Variants in NTM observed in about 807,000 individuals in gnomAD.
NTM encodes the protein neurotrimin, also known as IgLON family member 2.
A neutral mutation model predicts 42.1 loss-of-function variants in NTM; 13 were observed. The observed-to-expected ratio is 0.31, with a 90% CI of 0.20 to 0.49. NTM has a LOEUF of 0.49. NTM is among the 20% of genes least tolerant of loss of function. NTM has a pLI of 0.99. For synonymous variants in NTM, 187 were observed against 179.2 expected (o/e 1.04, Z -0.35); for missense variants, 373 against 452.8 (o/e 0.82, Z 1.60).
intron 1 of NTM, among the ~76,000 whole-genome samples, chr11:131,469,192 C>T (rs1031510075): frequency 3.3e-5 from 5 of 152,208 alleles, no homozygotes; most frequent in Non-Finnish European, 7.3e-5. Flanking sequence ...CACTGTGAGG[C>T]CACCTCTGCT....
Position 132,173,715 on chromosome 11 carries a change from G to A in NTM, c.400+27201G>A, listed in dbSNP as rs183564787. ...TCATTCCATGTTCCAAGTGAAGAGA[G>A]TGAGGCTCACAGATTGTGACTTGTG... is the stretch of plus-strand genomic sequence containing the variant. On this transcript the variant is annotated intron_variant, in intron 3 of 8. Transcript: ENST00000683400. Among the ~76,000 whole-genome samples the A allele has an allele frequency of 1.6e-4, 24 of 152,318 alleles. No individual in the cohort carries two copies. The East Asian group carries it at 4.4e-3, about 28-fold the overall frequency.
intron 1 of NTM, among the ~76,000 whole-genome samples, chr11:131,591,479 C>A (rs913496441): frequency 6.6e-6 from 1 of 152,202 alleles, no homozygotes; most frequent in Non-Finnish European, 1.5e-5. Context: ...TAGGACCCAG[C>A]CTGCTGAGAT....
chr11:132,014,980 G>T (rs976552110), intron 2 of NTM, among the ~76,000 whole-genome samples: 22 of 151,622 alleles, frequency 1.5e-4, no homozygotes, highest in Non-Finnish European at 2.9e-4. Context: ...CCACTGTCCT[G>T]GAGTGTTTCC....
chr11:131,851,791 CA>C (rs1290366876), intron 1 of NTM, among the ~76,000 whole-genome samples: 1 of 151,876 alleles, frequency 6.6e-6, no homozygotes, highest in Non-Finnish European at 1.5e-5. Flanking sequence ...AATGATGGAC[CA>C]AAGCATGGCC....
chr11:131,636,635 G>A (rs2048056), intron 1 of NTM, among the ~76,000 whole-genome samples: 112,161 of 152,104 alleles, frequency 0.74, 43,605 homozygotes, highest in East Asian at 0.92. Context: ...CAGCGGCTGC[G>A]CTGTTTGTGC....
chr11:132,183,478 T>A (rs2138091602), intron 3 of NTM, among the ~76,000 whole-genome samples: 1 of 152,110 alleles, frequency 6.6e-6, no homozygotes, highest in African/African-American at 2.4e-5. Context: ...CACCATAAAC[T>A]CTAAATTAGC....
chr11:131,618,250 G>A (rs939763582), intron 1 of NTM, among the ~76,000 whole-genome samples: 5 of 152,174 alleles, frequency 3.3e-5, no homozygotes, highest in Admixed American at 3.3e-4. Flanking sequence ...CCCCAAGCAG[G>A]TCTGCGCCTA....
At chr11:132,069,520 G>A (rs142451287) in intron 2 of NTM, among the ~76,000 whole-genome samples, 3,355 of 55,372 alleles carry the variant, frequency 0.061, 35 homozygotes, top group Middle Eastern at 0.13. Flanking sequence ...CACACTGACC[G>A]TCACAGGTTA....
chr11:131,534,783 G>A (rs412486), intron 1 of NTM: 99,063 of 151,912 alleles, frequency 0.65, 36,789 homozygotes, highest in Non-Finnish European at 0.83. Flanking sequence ...TCTTCAGGAA[G>A]GGGGATGTGC....
chr11:131,795,036 C>T, intron 1 of NTM: 1 of 969,006 alleles, frequency 1.0e-6, no homozygotes, highest in Non-Finnish European at 1.2e-6. Context: ...ACCCTGTAGC[C>T]AAAGGGGGGG....
intron 1 of NTM, chr11:131,794,942 C>G (rs1331414437): frequency 1.0e-6 from 1 of 985,180 alleles, no homozygotes; most frequent in Non-Finnish European, 1.2e-6. Flanking sequence ...TTAGGGGAAC[C>G]TGAACCCGCA....
intron 1 of NTM, among the ~76,000 whole-genome samples, chr11:131,513,682 T>G (rs2062431863): frequency 6.6e-6 from 1 of 152,202 alleles, no homozygotes; most frequent in South Asian, 2.1e-4. Flanking sequence ...GATTATCTTT[T>G]AGCAGTGTGA....
intron 1 of NTM, among the ~76,000 whole-genome samples, chr11:131,716,868 T>C (rs2135360313): frequency 6.6e-6 from 1 of 152,148 alleles, no homozygotes; most frequent in Middle Eastern, 3.4e-3. Flanking sequence ...TGAAATGGAG[T>C]CTCATTATGT....
intron 1 of NTM, among the ~76,000 whole-genome samples, chr11:131,672,590 T>C (rs1259122278): frequency 6.6e-6 from 1 of 152,194 alleles, no homozygotes; most frequent in Admixed American, 6.5e-5. Context: ...GTCTTGTTCA[T>C]GGTGCTGTAG....
intron 1 of NTM, among the ~76,000 whole-genome samples, chr11:131,512,413 G>A (rs139958487): frequency 2.0e-5 from 3 of 152,292 alleles, no homozygotes; most frequent in African/African-American, 4.8e-5. Context: ...CCAGGCAGGG[G>A]CTGTCCTCAA....
In NTM at chr11:132,101,944, C is replaced by G. The variant is rs149640807; in HGVS notation, c.168-44338C>G. ...TCATGGCACAAAAAGCTTTCTGTAACCTGATCTCTCCTCCCTACTTCTCAG... is the reference window on the plus strand; with the variant it reads ...TCATGGCACAAAAAGCTTTCTGTAAGCTGATCTCTCCTCCCTACTTCTCAG... On this transcript the variant is annotated intron_variant, in intron 2 of 8. Transcript: ENST00000683400. Among the ~76,000 whole-genome samples the G allele has an allele frequency of 3.5e-4, 53 of 152,306 alleles. No homozygotes were observed. The East Asian group carries it at 9.7e-3, about 28-fold the overall frequency.
chr11:131,849,730 ATGGGTTAGCTAATGTTC>A, intron 1 of NTM, among the ~76,000 whole-genome samples: 1 of 148,606 alleles, frequency 6.7e-6, no homozygotes. Flanking sequence ...AGAGCCCTTT[ATGGGTTAGCTAATGTTC>A]ATCTCTGGTT....
At chr11:132,253,293 T>G (rs548357958) in intron 4 of NTM, among the ~76,000 whole-genome samples, 40 of 152,304 alleles carry the variant, frequency 2.6e-4, no homozygotes, top group African/African-American at 9.6e-4. Flanking sequence ...ACAGGAGAGA[T>G]AGCATTACCC....
chr11:131,701,883 C>A (rs893564554), intron 1 of NTM, among the ~76,000 whole-genome samples: 1 of 152,120 alleles, frequency 6.6e-6, no homozygotes, highest in Non-Finnish European at 1.5e-5. Flanking sequence ...AAATGTACCA[C>A]CCTGGTTTTA....
Sources: gnomAD v4.1 joint callset for allele counts (sites outside exome capture counted in the v4.1 genomes callset) on GRCh38, gnomAD v4.1.1 for gene constraint, MANE v1.5 for transcripts, NCBI Gene and HGNC (gene_info 2026-07-23, HGNC 2026-07-21) for gene names.